TMEM232: variants seen among roughly 807,000 people sequenced by gnomAD.
The protein encoded by TMEM232 is transmembrane protein 232.
A neutral mutation model predicts 78.8 loss-of-function variants in TMEM232; 80 were observed. The observed-to-expected ratio is 1.01, with a 90% CI of 0.85 to 1.22. The LOEUF is 1.22. Among genes scored for constraint, TMEM232 ranks in the 50% most tolerant of loss-of-function variants. TMEM232 has a pLI of 0.00. For missense variants in TMEM232, 881 were observed against 742.2 expected, an observed-to-expected ratio of 1.19 and a Z score of -2.17; for synonymous variants, 297 against 254.3, an observed-to-expected ratio of 1.17 and a Z score of -1.60.
At chr5:110,610,658 TCCTA>T (rs1782151210) in intron 8 of TMEM232, 1 of 404,546 alleles carries the variant, frequency 2.5e-6, no homozygotes, top group Non-Finnish European at 4.8e-6. Context: ...ACAAAGATGT[TCCTA>T]AAAAATTCTG....
intron 12 of TMEM232, among the ~76,000 whole-genome samples, chr5:110,433,812 A>G (rs1758117390): frequency 6.6e-6 from 1 of 152,044 alleles, no homozygotes; most frequent in Non-Finnish European, 1.5e-5. Flanking sequence ...AACCATCTTA[A>G]ATCCCAGGAA....
chr5:110,597,789 G>T (rs1443728872), intron 10 of TMEM232, among the ~76,000 whole-genome samples: 1 of 152,020 alleles, frequency 6.6e-6, no homozygotes, highest in African/African-American at 2.4e-5. Context: ...AATAAATGGT[G>T]CTGGGAAAAC....
chr5:110,571,993 GGCA>G (rs1277826333), intron 10 of TMEM232, among the ~76,000 whole-genome samples: 2 of 151,922 alleles, frequency 1.3e-5, no homozygotes, highest in Non-Finnish European at 2.9e-5. Flanking sequence ...TACTGCAATG[GGCA>G]GCAGGAGATT....
At chr5:110,396,770 T>C (rs1755405799) in intron 3 of TMEM232, among the ~76,000 whole-genome samples, 1 of 152,202 alleles carries the variant, frequency 6.6e-6, no homozygotes, top group Admixed American at 6.6e-5. Flanking sequence ...CATTATTTAA[T>C]CCCACATTGA....
chr5:110,643,118 T>C (rs1396408159), intron 2 of TMEM232, among the ~76,000 whole-genome samples: 1 of 152,042 alleles, frequency 6.6e-6, no homozygotes, highest in Non-Finnish European at 1.5e-5. Context: ...GCCAATGAAT[T>C]AGAAATTAGG....
At chr5:110,532,057 C>T (rs1771572132) in intron 11 of TMEM232, among the ~76,000 whole-genome samples, 1 of 152,168 alleles carries the variant, frequency 6.6e-6, no homozygotes, top group Non-Finnish European at 1.5e-5. Context: ...CTTCCAAACG[C>T]CTGAACTGCA....
intron 8 of TMEM232, among the ~76,000 whole-genome samples, chr5:110,614,738 A>C (rs958667634): frequency 6.6e-6 from 1 of 151,980 alleles, no homozygotes; most frequent in Non-Finnish European, 1.5e-5. Context: ...ATCCAGTTAG[A>C]GTTTTCCAAG....
intron 1 of TMEM232, among the ~76,000 whole-genome samples, chr5:110,669,346 A>C (rs1398082983): frequency 6.6e-6 from 1 of 152,238 alleles, no homozygotes; most frequent in Non-Finnish European, 1.5e-5. Context: ...AGAATACTAT[A>C]AACACCTCTA....
At chr5:110,654,081 T>C (rs1004222291) in intron 2 of TMEM232, among the ~76,000 whole-genome samples, 5 of 152,162 alleles carry the variant, frequency 3.3e-5, no homozygotes, top group African/African-American at 1.2e-4. Flanking sequence ...AATTGAGACG[T>C]ATATATAATA....
rs1034175936 is a variant in TMEM232 at position 110,620,780 on chromosome 5, G to A, written c.769-2218C>T. 2.0e-5 allele frequency among the ~76,000 whole-genome samples: 3 copies of A among 150,986 alleles called. No individual in the cohort carries two copies. The East Asian group carries it at 5.8e-4, about 29-fold the overall frequency. On this transcript the variant is annotated intron_variant, in intron 7 of 13. Coordinates refer to ENST00000455884, the MANE Select transcript of TMEM232 (RefSeq NM_001039763.4). ...GAACATTGACATCATCAAGAGGAAAGGAACCTGCCACACCTGCGAATTTTC... is the reference window on the plus strand; with the variant it reads ...GAACATTGACATCATCAAGAGGAAAAGAACCTGCCACACCTGCGAATTTTC...
chr5:110,580,794 T>C (rs1778119253), intron 10 of TMEM232, among the ~76,000 whole-genome samples: 1 of 151,532 alleles, frequency 6.6e-6, no homozygotes, highest in Non-Finnish European at 1.5e-5. Flanking sequence ...TAGGTCACAA[T>C]GAACGTCTTC....
At chr5:110,737,264 AAAT>A (rs1299045394) in intron 1 of TMEM232, among the ~76,000 whole-genome samples, 2 of 150,580 alleles carry the variant, frequency 1.3e-5, no homozygotes, top group Non-Finnish European at 3.0e-5. Flanking sequence ...TATACACTTT[AAAT>A]AATAAATTAT....
In TMEM232 at chr5:110,487,318, T is replaced by C. The variant is rs771719170; in HGVS notation, c.1703+41270A>G. Among the ~76,000 whole-genome samples, 12 of 152,258 alleles carry C rather than the reference T, an allele frequency of 7.9e-5. No individual in the cohort carries two copies. The South Asian group carries it at 1.0e-3, about 13-fold the overall frequency. On this transcript the variant is annotated intron_variant, in intron 12 of 13. Coordinates refer to ENST00000455884, the MANE Select transcript of TMEM232 (RefSeq NM_001039763.4). ...CCCTTTATTTCTTTCTCTTGTCTGA[T>C]TGCTCTGGCTAGGACTTCCAGTAAT...
At chr5:110,441,173 GCTGTGGGGGTTGTC>G (rs924490490) in intron 12 of TMEM232, among the ~76,000 whole-genome samples, 2 of 152,068 alleles carry the variant, frequency 1.3e-5, no homozygotes, top group African/African-American at 4.8e-5. Context: ...ATACTGCTTT[GCTGTGGGGGTTGTC>G]CTGTACCTTG....
At chr5:110,692,971 C>T (rs979105607) in intron 1 of TMEM232, among the ~76,000 whole-genome samples, 9 of 152,198 alleles carry the variant, frequency 5.9e-5, no homozygotes, top group African/African-American at 1.2e-4. Flanking sequence ...TCTCCCAGCA[C>T]GCAGTTCGAG....
chr5:110,410,945 C>T (rs311719), intron 2 of TMEM232, among the ~76,000 whole-genome samples: 42,325 of 151,926 alleles, frequency 0.28, 9,825 homozygotes, highest in African/African-American at 0.63. Flanking sequence ...ATTTGTTTCT[C>T]AGGACATTAT....
chr5:110,583,914 G>A (rs187829499), intron 10 of TMEM232, among the ~76,000 whole-genome samples: 48 of 131,432 alleles, frequency 3.7e-4, no homozygotes, highest in Admixed American at 1.9e-3. Context: ...AAGGAAATAC[G>A]AATCAAAAGC....
At chr5:110,610,524 A>G (rs754145425) in intron 8 of TMEM232, 68 of 455,920 alleles carry the variant, frequency 1.5e-4, no homozygotes, top group Non-Finnish European at 2.5e-4. Context: ...GTAGACCAGC[A>G]GCCATAGTAT....
intron 1 of TMEM232, among the ~76,000 whole-genome samples, chr5:110,719,502 C>T (rs926759313): frequency 2.0e-5 from 3 of 151,908 alleles, no homozygotes; most frequent in African/African-American, 7.3e-5. Context: ...TTTCCCCCTC[C>T]TGTATATGAG....
Sources: gnomAD v4.1 joint callset for allele counts (sites outside exome capture counted in the v4.1 genomes callset) on GRCh38, gnomAD v4.1.1 for gene constraint, MANE v1.5 for transcripts, NCBI Gene and HGNC (gene_info 2026-07-23, HGNC 2026-07-21) for gene names.